ABCA12: variants seen among roughly 807,000 people sequenced by gnomAD.
ABCA12 encodes glucosylceramide transporter ABCA12.
ABCA12 carries 156 observed loss-of-function variants against 293.5 expected under a neutral mutation model. The observed-to-expected ratio is 0.53, with a 90% CI of 0.47 to 0.61. The LOEUF (loss-of-function observed/expected upper bound fraction) is 0.61, where lower values mean the gene tolerates loss of function less well. Among genes scored for constraint, ABCA12 ranks in the 20% least tolerant of loss-of-function variants. ABCA12 has a pLI of 0.00. For missense variants in ABCA12, 2,797 were observed against 3,090.2 expected (o/e 0.91, Z 2.25); for synonymous variants, 1,063 against 1,108.0 (o/e 0.96, Z 0.81).
intron 1 of ABCA12, among the ~76,000 whole-genome samples, chr2:215,124,237 A>T (rs985843759): frequency 6.6e-6 from 1 of 152,162 alleles, no homozygotes; most frequent in Non-Finnish European, 1.5e-5. Context: ...CATGTGTGCA[A>T]GTACCTTTTC....
At chr2:214,986,790 ACTTTAT>A (rs1196640906) in intron 27 of ABCA12, 62 bp from the exon 28 acceptor site, 10 of 1,443,846 alleles carry the variant, frequency 6.9e-6, no homozygotes, top group South Asian at 1.2e-5. Flanking sequence ...CTAGAGTTAG[ACTTTAT>A]CTTTATTAAA....
At chr2:215,105,619 A>G (rs1179139301) in intron 2 of ABCA12, among the ~76,000 whole-genome samples, 7 of 151,818 alleles carry the variant, frequency 4.6e-5, no homozygotes, top group Non-Finnish European at 7.4e-5. Flanking sequence ...ACACACACAC[A>G]CACGCACTTT....
chr2:214,933,192 C>T (rs1287620540), intron 52 of ABCA12, among the ~76,000 whole-genome samples: 1 of 152,094 alleles, frequency 6.6e-6, no homozygotes, highest in African/African-American at 2.4e-5. Context: ...GTATAGAAAG[C>T]CCATGTTAAC....
At chr2:215,076,681 TATAAA>T (rs1701841150) in intron 2 of ABCA12, among the ~76,000 whole-genome samples, 1 of 152,100 alleles carries the variant, frequency 6.6e-6, no homozygotes, top group African/African-American at 2.4e-5. Context: ...AAAGGAGACA[TATAAA>T]AGAATATCCA....
intron 9 of ABCA12, among the ~76,000 whole-genome samples, chr2:215,031,133 G>A (rs1700868488): frequency 6.6e-6 from 1 of 152,168 alleles, no homozygotes; most frequent in African/African-American, 2.4e-5. Context: ...TCTTTAGACA[G>A]CATGGTTGCT....
chr2:215,052,614 T>A (rs1048337127), intron 4 of ABCA12, 30 bp from the exon 5 acceptor site: 26 of 1,533,830 alleles, frequency 1.7e-5, no homozygotes, highest in Non-Finnish European at 2.2e-5. Flanking sequence ...AGATTAGCAT[T>A]CCACACACAC....
intron 1 of ABCA12, among the ~76,000 whole-genome samples, chr2:215,122,005 G>A (rs1363538524): frequency 6.6e-6 from 1 of 152,134 alleles, no homozygotes; most frequent in Non-Finnish European, 1.5e-5. Context: ...GTGCCTCACT[G>A]CCATCTAAAG....
intron 42 of ABCA12, among the ~76,000 whole-genome samples, chr2:214,956,197 G>A (rs1980847): frequency 0.52 from 79,223 of 151,992 alleles, 21,309 homozygotes; most frequent in African/African-American, 0.65. Flanking sequence ...ATCAGCCTGT[G>A]TTACCTGTAT....
At chr2:215,029,572 T>C (rs1393428068) in intron 9 of ABCA12, among the ~76,000 whole-genome samples, 2 of 152,148 alleles carry the variant, frequency 1.3e-5, no homozygotes, top group Admixed American at 6.5e-5. Context: ...TCATGGTGTA[T>C]TGTCAAGCTT....
At chr2:215,135,570 G>T (rs1055897343) in intron 1 of ABCA12, among the ~76,000 whole-genome samples, 6 of 152,100 alleles carry the variant, frequency 3.9e-5, no homozygotes, top group Non-Finnish European at 8.8e-5. Flanking sequence ...TACTTTGAAA[G>T]TACAATTTTT....
intron 50 of ABCA12, among the ~76,000 whole-genome samples, chr2:214,941,523 T>G (rs1457617448): frequency 6.6e-6 from 1 of 152,154 alleles, no homozygotes. Flanking sequence ...CCTGTCTTGT[T>G]GATCTGTCTA....
At chr2:215,137,079 G>C (rs564583603) in intron 1 of ABCA12, among the ~76,000 whole-genome samples, 2 of 151,862 alleles carry the variant, frequency 1.3e-5, no homozygotes, top group East Asian at 3.9e-4. Flanking sequence ...ACATGAATGA[G>C]TTTATAATTT....
At chr2:214,989,519 G>A (rs1189473422) in intron 25 of ABCA12, 33 bp downstream of exon 25, 2 of 1,613,826 alleles carry the variant, frequency 1.2e-6, no homozygotes, top group African/African-American at 1.3e-5. Flanking sequence ...AGTTGTGAAA[G>A]ATAAAATCCA....
rs1702595186 is a variant in ABCA12 at position 215,112,494 on chromosome 2, T to TG, written c.70-805_70-804insC. Among the ~76,000 whole-genome samples, 17 of 34,740 alleles carry TG rather than the reference T, an allele frequency of 4.9e-4. No individual in the cohort carries two copies. The Admixed American group carries it at 6.5e-3, about 13-fold the overall frequency. 22.8% of individuals were successfully genotyped at this position (34,740 alleles called of 152,430 possible). ...TTCTTTGGGTTTTTTTTGTTTTTTTTTTGTTTTTTTTTGTTTTTTTTTGAG... is the reference window on the plus strand; with the variant it reads ...TTCTTTGGGTTTTTTTTGTTTTTTTTGTTGTTTTTTTTTGTTTTTTTTTGAG... On this transcript the variant is annotated intron_variant, in intron 1 of 52. Transcript: ENST00000272895.
At position 215,088,009 on chromosome 2, in the gene ABCA12, G is replaced by A. The variant is rs1191714512; in HGVS notation, c.163+23588C>T. 4.6e-5 allele frequency among the ~76,000 whole-genome samples: 7 copies of A among 152,192 alleles called. No individual in the cohort carries two copies. The East Asian group carries it at 1.3e-3, about 29-fold the overall frequency. ...TCAGCTCATTGAAAGTGGCTGGAGTGTGATGTATGTGACAATGAGTGATGG... is the reference window on the plus strand; with the variant it reads ...TCAGCTCATTGAAAGTGGCTGGAGTATGATGTATGTGACAATGAGTGATGG... On this transcript the variant is annotated intron_variant, in intron 2 of 52. Transcript: ENST00000272895.
chr2:215,126,757 T>C (rs942480468), intron 1 of ABCA12, among the ~76,000 whole-genome samples: 1 of 152,162 alleles, frequency 6.6e-6, no homozygotes, highest in African/African-American at 2.4e-5. Flanking sequence ...GCTTTTTGTT[T>C]CATTTATCTT....
At chr2:215,101,156 T>C (rs1270877731) in intron 2 of ABCA12, among the ~76,000 whole-genome samples, 2 of 152,222 alleles carry the variant, frequency 1.3e-5, no homozygotes, top group Non-Finnish European at 2.9e-5. Context: ...TGGCAGCCAC[T>C]GAAAGCCTGC....
chr2:215,134,358 G>GTA (rs769320719), intron 1 of ABCA12, among the ~76,000 whole-genome samples: 1 of 138,180 alleles, frequency 7.2e-6, no homozygotes, highest in Non-Finnish European at 1.6e-5. Context: ...GTGTATATAT[G>GTA]TATATGTGTA....
intron 19 of ABCA12, among the ~76,000 whole-genome samples, chr2:215,006,030 A>G (rs1700245832): frequency 3.6e-3 from 1 of 274 alleles, no homozygotes; most frequent in African/African-American, 5.7e-3. Context: ...GTGCATATTT[A>G]CAATATTATT....
Sources: allele counts gnomAD v4.1 joint callset (sites outside exome capture counted in the v4.1 genomes callset), GRCh38; gene constraint gnomAD v4.1.1; transcripts MANE v1.5; gene names NCBI Gene and HGNC (gene_info 2026-07-23, HGNC 2026-07-21).